The following INTS2 variants were observed in gnomAD, a reference collection of about 807,000 sequenced individuals.
The protein encoded by INTS2 is KIAA1287.
In INTS2, 57 loss-of-function variants were observed where a neutral mutation model predicts 139.6. That is an observed-to-expected ratio of 0.41 (90% CI 0.33 to 0.51). The LOEUF (loss-of-function observed/expected upper bound fraction) is 0.51, where lower values mean the gene tolerates loss of function less well. Ranked by LOEUF, INTS2 falls within the 20% of genes least tolerant of loss-of-function variation. INTS2 has a pLI of 0.28. For synonymous variants in INTS2, 473 were observed against 493.4 expected (o/e 0.96, Z 0.55); for missense variants, 1,196 against 1,436.7 (o/e 0.83, Z 2.71).
At chr17:61,895,404 C>A in intron 11 of INTS2, 21 bp from the exon 12 acceptor site, 2 of 1,436,564 alleles carry the variant, frequency 1.4e-6, no homozygotes, top group African/African-American at 1.4e-5. Context: ...CAAAAGAATT[C>A]CAACAGCATG....
At chr17:61,926,971 A>T in intron 1 of INTS2, 1 of 379,494 alleles carries the variant, frequency 2.6e-6, no homozygotes, top group South Asian at 2.6e-5. Context: ...TAGTATTACT[A>T]GTTAGAGGCA....
At position 61,907,528 on chromosome 17, in the gene INTS2, T is replaced by C; in HGVS notation, c.1061A>G (p.Glu354Gly). 6.3e-7 allele frequency: 1 copy of C among 1,597,810 alleles called. No individual in the cohort carries two copies. The highest frequency in any genetic ancestry group is 8.5e-7 in the Non-Finnish European group (1 of 1,172,118). Residue 354 changes from glutamate to glycine, a missense_variant, in exon 8 of 25, where the codon GAA becomes GGA. This residue lies in a region of INTS2 where 1,129 missense variants were observed against 1,341.9 expected (regional missense o/e 0.84). Coordinates refer to ENST00000251334, the MANE Select transcript of INTS2 (RefSeq NM_001351695.2). ...PTVRSTRIVEEADVDMEPNVS... is the reference protein window; with the variant it reads ...PTVRSTRIVEGADVDMEPNVS... ...ATTGGGCTCCATATCCACATCAGCT[T>C]CTTCCACAATTCGGGTGCTTCTTAC...
rs925177578 is a variant in INTS2 at position 61,876,303 on chromosome 17, G to A, written c.2457-1265C>T. 3.9e-5 allele frequency among the ~76,000 whole-genome samples: 6 copies of A among 152,164 alleles called. No homozygotes were observed. Among genetic ancestry groups the A allele is most frequent in the Admixed American group, 6.5e-5 (1 of 15,276 alleles). ...TACCACACTCTCTTTCTCAGGAAGC[G>A]AGATGAGTGTGTGTTCCATTCACTA... On this transcript the variant is annotated intron_variant, in intron 18 of 24. Transcript: ENST00000251334. The surrounding 1 kb of genome is among the most constrained non-coding windows in gnomAD (Gnocchi z 4.1).
At chr17:61,886,895 G>A (rs1324574943) in intron 15 of INTS2, among the ~76,000 whole-genome samples, 1 of 152,086 alleles carries the variant, frequency 6.6e-6, no homozygotes, top group Non-Finnish European at 1.5e-5. Context: ...TGTCTATATA[G>A]ACCACATATA....
At chr17:61,886,374 G>C (rs535292073) in intron 15 of INTS2, among the ~76,000 whole-genome samples, 1 of 152,138 alleles carries the variant, frequency 6.6e-6, no homozygotes, top group Non-Finnish European at 1.5e-5. Flanking sequence ...ATACGAATTT[G>C]ACTTCCTTCT....
At chr17:61,911,114 G>T in intron 7 of INTS2, 1 of 208,918 alleles carries the variant, frequency 4.8e-6, no homozygotes, top group Non-Finnish European at 9.4e-6. Context: ...ATGAGGTCTC[G>T]CTATGTTGCC....
chr17:61,898,522 T>C (rs1410400696), intron 9 of INTS2, among the ~76,000 whole-genome samples: 1 of 152,120 alleles, frequency 6.6e-6, no homozygotes, highest in African/African-American at 2.4e-5. Flanking sequence ...TCTTGAACTC[T>C]CGAGCTCAAG....
chr17:61,878,931 CAAAAAAAAAA>C (rs35652350), intron 17 of INTS2, among the ~76,000 whole-genome samples: 23 of 46,654 alleles, frequency 4.9e-4, no homozygotes, highest in Non-Finnish European at 6.6e-4. Context: ...ACCCTGTCTC[CAAAAAAAAAA>C]AAAAAAAAAA....
intron 9 of INTS2, among the ~76,000 whole-genome samples, chr17:61,902,678 A>G (rs1237730054): frequency 6.6e-6 from 1 of 151,778 alleles, no homozygotes; most frequent in African/African-American, 2.4e-5. Context: ...GTTTCAGACT[A>G]GCCTGGGCAA....
rs1421869493 is a variant in INTS2 at position 61,875,764 on chromosome 17, GA to G, written c.2457-727del. On this transcript the variant is annotated intron_variant, in intron 18 of 24. Transcript: ENST00000251334. The surrounding 1 kb of genome is among the most constrained non-coding windows in gnomAD (Gnocchi z 4.6). Reference sequence around the variant, plus strand: ...CAAACAGAAAATGTAGGGATAAGGAGAAAAAAAATTTTCGAACTATTAATAT... The same window carrying G: ...CAAACAGAAAATGTAGGGATAAGGAGAAAAAAATTTTCGAACTATTAATAT... Among the ~76,000 whole-genome samples, 1 of 151,812 alleles carries G rather than the reference GA, an allele frequency of 6.6e-6. No individual in the cohort carries two copies. The highest frequency in any genetic ancestry group is 1.5e-5 in the Non-Finnish European group (1 of 67,954).
Position 61,907,654 on chromosome 17 carries a change from CA to C in INTS2, c.955-21del. ...TTTTCTCTGAAAGAAATATGGATCA[CA>C]AAAGGAAGAAAGCATGAAGCATTTA... On this transcript the variant is annotated intron_variant, in intron 7 of 24. Coordinates refer to ENST00000251334, the MANE Select transcript of INTS2 (RefSeq NM_001351695.2). 1 of 1,545,716 alleles carries C rather than the reference CA, an allele frequency of 6.5e-7. No individual in the cohort carries two copies. Among genetic ancestry groups the C allele is most frequent in the Non-Finnish European group, 8.8e-7 (1 of 1,139,084 alleles).
Position 61,893,802 on chromosome 17 carries a change from C to A in INTS2, c.1661G>T (p.Arg554Met). Residue 554 changes from arginine to methionine, a missense_variant, in exon 13 of 25, where the codon AGG becomes ATG. Coordinates refer to ENST00000251334, the MANE Select transcript of INTS2 (RefSeq NM_001351695.2). The surrounding 1 kb of genome is among the most constrained non-coding windows in gnomAD (Gnocchi z 5.4). Reference protein sequence around the residue: ...LPIHCIYQLLRSRSFTKHKVS... With the variant: ...LPIHCIYQLLMSRSFTKHKVS... ...TTTGTGCTTGGTAAAGGAACGGCTCCTGAGAAGCTGGTAAATACAATGAAT... is the reference window on the plus strand; with the variant it reads ...TTTGTGCTTGGTAAAGGAACGGCTCATGAGAAGCTGGTAAATACAATGAAT... The A allele has an allele frequency of 1.3e-6, 2 of 1,587,746 alleles. No homozygotes were observed. The highest frequency in any genetic ancestry group is 2.3e-5 in the East Asian group (1 of 43,772).
chr17:61,878,114 AC>A (rs1210097768), intron 17 of INTS2, 26 bp from the exon 18 acceptor site: 2 of 1,411,224 alleles, frequency 1.4e-6, no homozygotes, highest in East Asian at 4.6e-5. Context: ...AGCAATCATA[AC>A]CTAAATTCTG....
intron 15 of INTS2, among the ~76,000 whole-genome samples, chr17:61,887,911 G>C (rs2079245794): frequency 6.6e-6 from 1 of 152,034 alleles, no homozygotes; most frequent in African/African-American, 2.4e-5. Flanking sequence ...AAATTAGCCA[G>C]GAATGTGGTA....
chr17:61,880,021 C>G (rs891873072), intron 17 of INTS2, among the ~76,000 whole-genome samples: 1 of 152,096 alleles, frequency 6.6e-6, no homozygotes, highest in Non-Finnish European at 1.5e-5. Context: ...AGAACATTCT[C>G]CATTACATAG....
chr17:61,885,723 ATTTTTTTTT>A (rs1306536844), intron 15 of INTS2, among the ~76,000 whole-genome samples: 30 of 87,190 alleles, frequency 3.4e-4, no homozygotes, highest in African/African-American at 1.5e-3. Context: ...GGCCCGGCCA[ATTTTTTTTT>A]TTTTTTTTTT....
chr17:61,908,186 G>A (rs555424737), intron 7 of INTS2, among the ~76,000 whole-genome samples: 8 of 152,098 alleles, frequency 5.3e-5, no homozygotes, highest in East Asian at 1.9e-4. Context: ...AGGCCAAGGC[G>A]GACGGATCAC....
In INTS2 at chr17:61,911,659, G is replaced by A. The variant is rs1469244096; in HGVS notation, c.815C>T (p.Ala272Val). The A allele has an allele frequency of 3.7e-6, 6 of 1,613,480 alleles. No homozygotes were observed. Among genetic ancestry groups the A allele is most frequent in the Non-Finnish European group, 4.2e-6 (5 of 1,179,726 alleles). ...ATTTTTAGTATGATCCAATGTCAAAGCCACACCAAGGCCTGGCAAGTGACA... is the reference window on the plus strand; with the variant it reads ...ATTTTTAGTATGATCCAATGTCAAAACCACACCAAGGCCTGGCAAGTGACA... ...EECHLPGLGV[A>V]LTLDHTKNEA... The change falls in exon 7 of 25, where the codon GCT becomes GTT. Residue 272 changes from alanine to valine, a missense_variant. Transcript: ENST00000251334.
Position 61,893,310 on chromosome 17 carries a change from A to G in INTS2, c.1698+455T>C, listed in dbSNP as rs563368274. Among the ~76,000 whole-genome samples, 23 of 152,284 alleles carry G rather than the reference A, an allele frequency of 1.5e-4. 1 individual carries two copies. The South Asian group carries it at 3.9e-3, about 26-fold the overall frequency. Reference sequence around the variant, plus strand: ...ATATAAATGACTAGTAACTTAGCTTAATACCACACATTTCCTACACAAAAC... The same window carrying G: ...ATATAAATGACTAGTAACTTAGCTTGATACCACACATTTCCTACACAAAAC... On this transcript the variant is annotated intron_variant, in intron 13 of 24. Coordinates refer to ENST00000251334, the MANE Select transcript of INTS2 (RefSeq NM_001351695.2). The surrounding 1 kb of genome is among the most constrained non-coding windows in gnomAD (Gnocchi z 5.4).
Sources: gnomAD v4.1 joint callset for allele counts (sites outside exome capture counted in the v4.1 genomes callset) on GRCh38, gnomAD v4.1.1 for gene constraint, gnomAD v4.1.1 regional missense constraint, Gnocchi (gnomAD v3.1) non-coding constraint, MANE v1.5 for transcripts, NCBI Gene and HGNC (gene_info 2026-07-23, HGNC 2026-07-21) for gene names.